TLN2: variants seen among roughly 807,000 people sequenced by gnomAD.
TLN2 encodes the protein talin-2.
In TLN2, 118 loss-of-function variants were observed where a neutral mutation model predicts 294.7. That is an observed-to-expected ratio of 0.40 (90% CI 0.34 to 0.47). The LOEUF (loss-of-function observed/expected upper bound fraction) is 0.47, where lower values mean the gene tolerates loss of function less well. Among genes scored for constraint, TLN2 ranks in the 20% least tolerant of loss-of-function variants. TLN2 has a pLI of 0.84. For synonymous variants in TLN2, 1,431 were observed against 1,304.5 expected, an observed-to-expected ratio of 1.10 and a Z score of -2.09; for missense variants, 3,083 against 3,282.2, an observed-to-expected ratio of 0.94 and a Z score of 1.48.
chr15:62,792,769 C>T lies in TLN2; in HGVS notation c.5865C>T (p.Ala1955=), dbSNP rs201695596. ...CCAAGAGGGAGCTGATCGAATGCGCCCGTGCCGTCACGGAAAAGGTAAGGA... is the reference window on the plus strand; with the variant it reads ...CCAAGAGGGAGCTGATCGAATGCGCTCGTGCCGTCACGGAAAAGGTAAGGA... The part of the protein sequence containing the change: ...SYTKRELIEC[A]RAVTEKVSLV... The change falls in exon 46 of 59, where the codon GCC becomes GCT. Residue 1955 remains alanine, a synonymous_variant. Transcript: ENST00000636159. 10 of 1,614,058 alleles carry T rather than the reference C, an allele frequency of 6.2e-6. No individual in the cohort carries two copies. Among genetic ancestry groups the T allele is most frequent in the South Asian group, 1.1e-5 (1 of 91,072 alleles).
intron 26 of TLN2, among the ~76,000 whole-genome samples, chr15:62,723,408 A>C (rs1264117922): frequency 6.6e-6 from 1 of 152,088 alleles, no homozygotes; most frequent in Non-Finnish European, 1.5e-5. Flanking sequence ...GAACATCTGC[A>C]TTTTCACAAG....
In TLN2 at chr15:62,610,633, G is replaced by A. The variant is rs1280034967; in HGVS notation, c.-161-7718G>A. 2.6e-5 allele frequency among the ~76,000 whole-genome samples: 4 copies of A among 152,178 alleles called. No homozygotes were observed. In the South Asian group the frequency reaches 6.2e-4, roughly 24 times the overall value. ...CTTGGCACTAAATAAACTGTGAAAC[G>A]GAGACGTTTAGGAGACTGAAACAAG... On this transcript the variant is annotated intron_variant, in intron 2 of 58. Coordinates refer to ENST00000636159, the MANE Select transcript of TLN2 (RefSeq NM_015059.3).
chr15:62,420,428 G>T (rs1185321407), intron 1 of TLN2, among the ~76,000 whole-genome samples: 1 of 151,178 alleles, frequency 6.6e-6, no homozygotes, highest in Non-Finnish European at 1.5e-5. Flanking sequence ...ATGGAGTGTC[G>T]CTCTGTCACC....
chr15:62,401,380 A>G (rs1447845892), intron 1 of TLN2, among the ~76,000 whole-genome samples: 1 of 152,154 alleles, frequency 6.6e-6, no homozygotes, highest in Non-Finnish European at 1.5e-5. Context: ...ATGTTTTTCT[A>G]GTGATTTCCT....
At chr15:62,735,859 A>G (rs1037591885) in intron 28 of TLN2, among the ~76,000 whole-genome samples, 1 of 152,210 alleles carries the variant, frequency 6.6e-6, no homozygotes, top group African/African-American at 2.4e-5. Flanking sequence ...GAATGGGTCA[A>G]CAAATATTGG....
At chr15:62,537,418 A>C (rs2041424693) in intron 1 of TLN2, among the ~76,000 whole-genome samples, 1 of 152,200 alleles carries the variant, frequency 6.6e-6, no homozygotes, top group East Asian at 1.9e-4. Flanking sequence ...GTTGGGGTCT[A>C]ATCTTCAGTA....
chr15:62,785,237 A>ATT (rs950490720), intron 45 of TLN2, among the ~76,000 whole-genome samples: 1 of 150,534 alleles, frequency 6.6e-6, no homozygotes, highest in South Asian at 2.1e-4. Context: ...CAGGCCTATC[A>ATT]TTTTTTTTTT....
At chr15:62,801,654 T>C (rs1007639245) in intron 50 of TLN2, among the ~76,000 whole-genome samples, 2 of 152,200 alleles carry the variant, frequency 1.3e-5, no homozygotes, top group African/African-American at 4.8e-5. Context: ...CTAGCCTTGA[T>C]TGATGTTGCG....
At chr15:62,623,010 G>A (rs572544772) in intron 3 of TLN2, among the ~76,000 whole-genome samples, 2 of 152,298 alleles carry the variant, frequency 1.3e-5, no homozygotes, top group African/African-American at 4.8e-5. Flanking sequence ...TCTTACTCCA[G>A]CTGACAGGGC....
chr15:62,770,490 C>G (rs1376720056), intron 41 of TLN2, among the ~76,000 whole-genome samples: 6 of 152,200 alleles, frequency 3.9e-5, no homozygotes, highest in African/African-American at 1.4e-4. Context: ...TTTTCCAAAT[C>G]AAGGCTTGGT....
At chr15:62,697,932 C>T (rs965183554) in intron 15 of TLN2, 64 bp downstream of exon 15, 3 of 1,559,176 alleles carry the variant, frequency 1.9e-6, no homozygotes, top group East Asian at 2.3e-5. Flanking sequence ...AGGGTGGACA[C>T]CAGCGGCGGT....
rs1276527370 is a variant in TLN2 at position 62,840,492 on chromosome 15, C to T, written c.7511C>T (p.Ala2504Val). Residue 2504 changes from alanine to valine, a missense_variant, in exon 59 of 59, where the codon GCC becomes GTC. Transcript: ENST00000636159. ...TTGCTTTCTTTCTAGATCATCGCCG[C>T]CCAGGAAGAAATGCTAAAGAAAGAG... ...FVGGIAQIIA[A>V]QEEMLKKERE... 2 of 1,614,118 alleles carry T rather than the reference C, an allele frequency of 1.2e-6. No individual in the cohort carries two copies. The highest frequency in any genetic ancestry group is 1.7e-5 in the Admixed American group (1 of 60,020).
intron 45 of TLN2, among the ~76,000 whole-genome samples, chr15:62,785,237 A>AT (rs950490720): frequency 1.3e-4 from 20 of 150,518 alleles, no homozygotes; most frequent in Middle Eastern, 3.2e-3. Flanking sequence ...CAGGCCTATC[A>AT]TTTTTTTTTT....
chr15:62,655,929 CTTG>C lies in TLN2; in HGVS notation c.518-10_518-8del, dbSNP rs1294277891. 2.5e-6 allele frequency: 4 copies of C among 1,613,924 alleles called. No individual in the cohort carries two copies. The highest frequency in any genetic ancestry group is 1.3e-5 in the African/African-American group (1 of 74,922). ...AAATAAACACAGTTCTCTTATATGT[CTTG>C]TTGTGTTGCAGTAAATTGGCTGGAT... On this transcript the variant is annotated splice_polypyrimidine_tract_variant and intron_variant, in intron 7 of 58. Coordinates refer to ENST00000636159, the MANE Select transcript of TLN2 (RefSeq NM_015059.3).
chr15:62,557,107 T>C (rs2140575873), intron 1 of TLN2, among the ~76,000 whole-genome samples: 1 of 152,342 alleles, frequency 6.6e-6, no homozygotes, highest in African/African-American at 2.4e-5. Context: ...ACAGAACCTC[T>C]GAGAAACCCT....
rs778666187 is a variant in TLN2, at chr15:62,686,813, G to A, written c.1113+17G>A. On this transcript the variant is annotated intron_variant, in intron 12 of 58. Coordinates refer to ENST00000636159, the MANE Select transcript of TLN2 (RefSeq NM_015059.3). ...TTCACACTGGTAGGGACTGGCAGAG[G>A]GCAAGGAGAGCACTAGCGTGGCCTT... 6.2e-7 allele frequency: 1 copy of A among 1,612,286 alleles called. No homozygotes were observed. The highest frequency in any genetic ancestry group is 2.2e-5 in the East Asian group (1 of 44,870).
intron 36 of TLN2, 127 bp from the exon 37 acceptor site, chr15:62,755,405 C>T (rs1567534602): frequency 8.3e-7 from 1 of 1,199,628 alleles, no homozygotes; most frequent in Non-Finnish European, 1.1e-6. Context: ...GGTCGCAGAA[C>T]TAGACATGCT....
chr15:62,740,061 T>C (rs1274070589), intron 31 of TLN2, among the ~76,000 whole-genome samples: 3 of 151,626 alleles, frequency 2.0e-5, no homozygotes, highest in Non-Finnish European at 2.9e-5. Flanking sequence ...TTTTTTTTTT[T>C]TCTGCGCTCC....
intron 1 of TLN2, among the ~76,000 whole-genome samples, chr15:62,567,591 T>C (rs1046985965): frequency 1.6e-4 from 25 of 152,104 alleles, no homozygotes; most frequent in African/African-American, 5.3e-4. Flanking sequence ...TCCCAGCACT[T>C]TGGGAGGCCA....
Sources: gnomAD v4.1 joint callset for allele counts (sites outside exome capture counted in the v4.1 genomes callset) on GRCh38, gnomAD v4.1.1 for gene constraint, MANE v1.5 for transcripts, NCBI Gene and HGNC (gene_info 2026-07-23, HGNC 2026-07-21) for gene names.